The following PCDH15 variants were observed in gnomAD, a reference collection of about 807,000 sequenced individuals.
PCDH15 encodes the protein protocadherin-15.
A neutral mutation model predicts 178.5 loss-of-function variants in PCDH15; 129 were observed. The observed-to-expected ratio is 0.72, with a 90% CI of 0.63 to 0.84. The LOEUF (loss-of-function observed/expected upper bound fraction) is 0.84, where lower values mean the gene tolerates loss of function less well. Ranked by LOEUF, PCDH15 falls within the 40% of genes least tolerant of loss-of-function variation. The pLI is 0.00. For missense variants in PCDH15, 2,230 were observed against 2,099.9 expected (o/e 1.06, Z -1.21); for synonymous variants, 800 against 732.0 (o/e 1.09, Z -1.50).
intron 1 of PCDH15, among the ~76,000 whole-genome samples, chr10:54,729,100 C>A (rs1382705681): frequency 6.6e-6 from 1 of 151,548 alleles, no homozygotes; most frequent in Non-Finnish European, 1.5e-5. Context: ...CAAAAAGAGC[C>A]TGAATAGCCA....
At chr10:54,970,270 T>C (rs148095221) in intron 2 of PCDH15, among the ~76,000 whole-genome samples, 90 of 152,326 alleles carry the variant, frequency 5.9e-4, no homozygotes, top group African/African-American at 1.8e-3. Flanking sequence ...TGATATTTTG[T>C]TATTGCAGCA....
At chr10:54,634,583 A>G (rs907671297) in intron 2 of PCDH15, among the ~76,000 whole-genome samples, 9 of 152,082 alleles carry the variant, frequency 5.9e-5, no homozygotes, top group African/African-American at 1.9e-4. Context: ...AGGCTCTGCA[A>G]TTTTCTTACA....
rs568568080 is a variant in PCDH15, at chr10:54,349,661, A to T, written c.475-3177T>A. The stretch of plus-strand genomic sequence containing the variant: ...GTTTAATATGTAGTCCTTTAAAATA[A>T]ACTCTACATTGTTATAATGTTTAAT... On this transcript the variant is annotated intron_variant, in intron 5 of 37. Transcript: ENST00000644397. 5.9e-3 allele frequency among the ~76,000 whole-genome samples: 896 copies of T among 151,272 alleles called. 6 individuals are homozygous for T. Among genetic ancestry groups the T allele is most frequent in the African/African-American group, 0.02 (836 of 41,198 alleles).
chr10:54,261,455 C>A (rs969401974), intron 8 of PCDH15, among the ~76,000 whole-genome samples: 3 of 151,138 alleles, frequency 2.0e-5, no homozygotes, highest in Non-Finnish European at 1.5e-5. Flanking sequence ...TGTTAATAGG[C>A]AAATTACAGA....
chr10:54,937,548 T>G (rs191245484), intron 2 of PCDH15, among the ~76,000 whole-genome samples: 1 of 152,132 alleles, frequency 6.6e-6, no homozygotes, highest in Non-Finnish European at 1.5e-5. Context: ...GTTAAATTTA[T>G]TCTTTAGTAT....
At chr10:54,881,707 C>T (rs543199114) in intron 3 of PCDH15, among the ~76,000 whole-genome samples, 103 of 152,086 alleles carry the variant, frequency 6.8e-4, no homozygotes, top group Non-Finnish European at 1.0e-3. Flanking sequence ...ATATCATAAG[C>T]GGATTAGGCT....
At chr10:54,716,938 C>T (rs2095487672) in intron 1 of PCDH15, among the ~76,000 whole-genome samples, 1 of 146,986 alleles carries the variant, frequency 6.8e-6, no homozygotes. Flanking sequence ...CAGAACAGAG[C>T]CCTCAGAAAT....
chr10:55,347,983 T>A (rs1345894691), intron 2 of PCDH15, among the ~76,000 whole-genome samples: 2 of 152,034 alleles, frequency 1.3e-5, no homozygotes, highest in African/African-American at 4.8e-5. Flanking sequence ...CAAAACAAGG[T>A]CTTTGAAGTC....
Position 53,803,382 on chromosome 10 carries a change from C to CAATT in PCDH15, c.*3193_*3196dup, listed in dbSNP as rs1384274146. ...ATGTCTTCCCTCGAGAGTCAATATT[C>CAATT]AATTACTTCTGGCTCTATGATATAA... On this transcript the variant is annotated 3_prime_UTR_variant, in exon 38 of 38. Transcript: ENST00000644397. 6.6e-6 allele frequency: 1 copy of CAATT among 151,866 alleles called. No homozygotes were observed. The highest frequency in any genetic ancestry group is 1.5e-5 in the Non-Finnish European group (1 of 67,858). The allele number at this position is 151,866 out of a possible 1,614,324, so 9.4% of individuals were successfully genotyped here. A position where few individuals can be genotyped will look rare whatever the true frequency, so the allele number is the denominator to read the frequency against.
chr10:54,017,267 C>T (rs2092769479), intron 20 of PCDH15, among the ~76,000 whole-genome samples: 1 of 152,088 alleles, frequency 6.6e-6, no homozygotes, highest in Admixed American at 6.5e-5. Context: ...TCAGGTGATC[C>T]ACCCACCTTG....
intron 4 of PCDH15, among the ~76,000 whole-genome samples, chr10:54,377,883 A>T (rs767618914): frequency 6.6e-6 from 1 of 151,832 alleles, no homozygotes; most frequent in African/African-American, 2.4e-5. Context: ...TTTTTTTTTA[A>T]TTTTTCCAGA....
intron 1 of PCDH15, among the ~76,000 whole-genome samples, chr10:54,733,421 C>T (rs1431974696): frequency 6.6e-6 from 1 of 151,512 alleles, no homozygotes; most frequent in Admixed American, 6.6e-5. Context: ...AAAGTATATG[C>T]ATGATCTATA....
intron 3 of PCDH15, among the ~76,000 whole-genome samples, chr10:54,395,127 TTAAAG>T (rs1951038572): frequency 6.6e-6 from 1 of 152,076 alleles, no homozygotes; most frequent in South Asian, 2.1e-4. Context: ...GATTAAGAGA[TTAAAG>T]TAAAGACAGG....
At chr10:54,012,054 T>C (rs1225043292) in intron 20 of PCDH15, among the ~76,000 whole-genome samples, 1 of 152,008 alleles carries the variant, frequency 6.6e-6, no homozygotes, top group African/African-American at 2.4e-5. Context: ...AATAAAACAA[T>C]ACAGGAGCTG....
At chr10:53,824,997 C>A in intron 32 of PCDH15, 1 of 1,125,068 alleles carries the variant, frequency 8.9e-7, no homozygotes, top group Non-Finnish European at 1.1e-6. Flanking sequence ...GTGTGGAAGA[C>A]AAAACTTTCC....
At chr10:54,700,852 A>G (rs2095300636) in intron 1 of PCDH15, among the ~76,000 whole-genome samples, 1 of 152,012 alleles carries the variant, frequency 6.6e-6, no homozygotes, top group African/African-American at 2.4e-5. Context: ...AAATTCAGAA[A>G]ATACAGAGAA....
chr10:55,096,250 T>A (rs2132040576), intron 2 of PCDH15, among the ~76,000 whole-genome samples: 1 of 152,244 alleles, frequency 6.6e-6, no homozygotes, highest in East Asian at 1.9e-4. Flanking sequence ...TTCCAACATC[T>A]GTGATAGTTA....
At chr10:54,428,882 A>G (rs1048093425) in intron 3 of PCDH15, among the ~76,000 whole-genome samples, 8 of 152,200 alleles carry the variant, frequency 5.3e-5, no homozygotes, top group African/African-American at 1.7e-4. Context: ...CATGAAAGAG[A>G]AATAAAGACC....
chr10:53,864,664 C>T (rs1176546598), intron 27 of PCDH15, among the ~76,000 whole-genome samples: 3 of 152,162 alleles, frequency 2.0e-5, no homozygotes, highest in African/African-American at 7.2e-5. Flanking sequence ...GAGTCCACTC[C>T]CAACTTGTGG....
Sources: gnomAD v4.1 joint callset for allele counts (sites outside exome capture counted in the v4.1 genomes callset) on GRCh38, gnomAD v4.1.1 for gene constraint, MANE v1.5 for transcripts, NCBI Gene and HGNC (gene_info 2026-07-23, HGNC 2026-07-21) for gene names.